Variants in PCA3 observed in about 807,000 individuals in gnomAD.
PCA3 encodes the protein Differential Display code 3.
At chr9:76,772,504 G>C (rs1050374612) in intron 2 of PCA3, among the ~76,000 whole-genome samples, 11 of 152,094 alleles carry the variant, frequency 7.2e-5, no homozygotes, top group African/African-American at 2.7e-4. Context: ...ACCTTCTGTA[G>C]TTTTGCAAAA....
intron 2 of PCA3, among the ~76,000 whole-genome samples, chr9:76,777,828 G>C (rs2053965193): frequency 6.6e-6 from 1 of 152,178 alleles, no homozygotes; most frequent in Non-Finnish European, 1.5e-5. Context: ...CATTTGAGCA[G>C]AGAATTGAAA....
At chr9:76,772,616 C>T (rs561275282) in intron 2 of PCA3, among the ~76,000 whole-genome samples, 14 of 152,148 alleles carry the variant, frequency 9.2e-5, no homozygotes, top group East Asian at 7.7e-4. Flanking sequence ...CAGGCTGGAA[C>T]GTAGTGGTGC....
At chr9:76,783,078 G>A (rs973611979) in intron 2 of PCA3, among the ~76,000 whole-genome samples, 1 of 152,140 alleles carries the variant, frequency 6.6e-6, no homozygotes, top group African/African-American at 2.4e-5. Context: ...AAACAGAAAG[G>A]CACTGAACCA....
intron 2 of PCA3, chr9:76,778,675 T>G (rs2054056880): frequency 6.6e-6 from 1 of 152,258 alleles, no homozygotes; most frequent in Non-Finnish European, 1.5e-5. Flanking sequence ...ATACACAGTA[T>G]GATCTATAAA....
At chr9:76,766,556 T>C (rs987168718) in intron 2 of PCA3, among the ~76,000 whole-genome samples, 3 of 152,208 alleles carry the variant, frequency 2.0e-5, no homozygotes, top group African/African-American at 4.8e-5. Flanking sequence ...TGTTCATGGA[T>C]AGTGCCTCTC....
chr9:76,779,570 T>C (rs187198125), intron 2 of PCA3: 6 of 152,310 alleles, frequency 3.9e-5, no homozygotes, highest in Non-Finnish European at 8.8e-5. Flanking sequence ...AGGACAGCAT[T>C]GTGGCTTGGA....
chr9:76,785,554 T>C (rs1041359262), intron 2 of PCA3: 2 of 152,206 alleles, frequency 1.3e-5, no homozygotes, highest in Non-Finnish European at 2.9e-5. Flanking sequence ...TTTATCCATT[T>C]CATGGTGAGT....
intron 2 of PCA3, among the ~76,000 whole-genome samples, chr9:76,773,240 G>C (rs961509646): frequency 1.3e-5 from 2 of 152,100 alleles, no homozygotes; most frequent in Non-Finnish European, 2.9e-5. Flanking sequence ...GACTGAGAAG[G>C]AATGCAATAA....
At chr9:76,766,628 C>T (rs1032612837) in intron 2 of PCA3, among the ~76,000 whole-genome samples, 5 of 152,132 alleles carry the variant, frequency 3.3e-5, no homozygotes, top group Non-Finnish European at 4.4e-5. Flanking sequence ...ATACCTCCCT[C>T]GTTTCATCCT....
intron 2 of PCA3, among the ~76,000 whole-genome samples, chr9:76,777,085 C>G (rs1297055362): frequency 6.6e-6 from 1 of 151,978 alleles, no homozygotes; most frequent in Non-Finnish European, 1.5e-5. Context: ...CTCCCCTGCC[C>G]CATAGCCCTT....
intron 2 of PCA3, among the ~76,000 whole-genome samples, chr9:76,771,353 A>G (rs2053081449): frequency 6.6e-6 from 1 of 152,232 alleles, no homozygotes. Context: ...TCAGAGTTAC[A>G]GAGTCCTCAA....
chr9:76,768,577 ATATGTATGTGTGTGTGTGTGTG>A (rs764959495), intron 2 of PCA3, among the ~76,000 whole-genome samples: 1 of 98,072 alleles, frequency 1.0e-5, no homozygotes, highest in East Asian at 3.6e-4. Flanking sequence ...ATATATATGT[ATATGTATGTGTGTGTGTGTGTG>A]TGTGTGTGTG....
chr9:76,766,294 T>C (rs1443671663), intron 2 of PCA3, among the ~76,000 whole-genome samples: 1 of 152,020 alleles, frequency 6.6e-6, no homozygotes, highest in African/African-American at 2.4e-5. Flanking sequence ...GGATACCATA[T>C]GTTCACTCCC....
chr9:76,769,671 C>T (rs1189812450), intron 2 of PCA3, among the ~76,000 whole-genome samples: 1 of 152,202 alleles, frequency 6.6e-6, no homozygotes, highest in Non-Finnish European at 1.5e-5. Flanking sequence ...GTGATCCGCC[C>T]GCCTCAGGCT....
At chr9:76,768,279 G>A (rs1181135517) in intron 2 of PCA3, among the ~76,000 whole-genome samples, 1 of 151,880 alleles carries the variant, frequency 6.6e-6, no homozygotes, top group Admixed American at 6.6e-5. Flanking sequence ...TGCAACCTCC[G>A]CCTCCTGGGT....
At chr9:76,767,409 C>G (rs965713728) in intron 2 of PCA3, among the ~76,000 whole-genome samples, 1 of 151,848 alleles carries the variant, frequency 6.6e-6, no homozygotes, top group African/African-American at 2.4e-5. Context: ...CAAGATTGTG[C>G]CACTGCGCTC....
At chr9:76,780,915 G>A (rs552768815) in intron 2 of PCA3, among the ~76,000 whole-genome samples, 43 of 152,164 alleles carry the variant, frequency 2.8e-4, no homozygotes, top group Non-Finnish European at 4.7e-4. Flanking sequence ...CCTCATCCCC[G>A]TGTGTTTCCC....
At chr9:76,776,893 T>TACACATAC (rs1355456106) in intron 2 of PCA3, among the ~76,000 whole-genome samples, 1 of 115,616 alleles carries the variant, frequency 8.6e-6, no homozygotes, top group East Asian at 2.3e-4. Flanking sequence ...CCAAAACACA[T>TACACATAC]ACACACACAC....
At chr9:76,780,567 T>C (rs989710706) in intron 2 of PCA3, among the ~76,000 whole-genome samples, 2 of 151,986 alleles carry the variant, frequency 1.3e-5, no homozygotes, top group Non-Finnish European at 2.9e-5. Flanking sequence ...GGCGGGTGCC[T>C]GTAGTCCCAG....
Sources: allele counts gnomAD v4.1 joint callset (sites outside exome capture counted in the v4.1 genomes callset), GRCh38; gene constraint gnomAD v4.1.1; transcripts MANE v1.5; gene names NCBI Gene and HGNC (gene_info 2026-07-23, HGNC 2026-07-21).